The following ZNF451 variants were observed in gnomAD, a reference collection of about 807,000 sequenced individuals.
The protein encoded by ZNF451 is zinc finger protein 451.
Under a neutral mutation model 107.1 loss-of-function variants are expected in ZNF451, and 80 were observed. That is an observed-to-expected ratio of 0.75 (90% CI 0.62 to 0.90). The LOEUF (loss-of-function observed/expected upper bound fraction) is 0.90. ZNF451 is among the 40% of genes least tolerant of loss of function. The pLI, the probability that ZNF451 is intolerant of heterozygous loss-of-function variation, is 0.00. For synonymous variants in ZNF451, 362 were observed against 406.5 expected, an observed-to-expected ratio of 0.89 and a Z score of 1.32; for missense variants, 1,107 against 1,236.2, an observed-to-expected ratio of 0.90 and a Z score of 1.57.
chr6:57,127,920 A>G (rs1235689551), intron 4 of ZNF451, among the ~76,000 whole-genome samples: 1 of 152,186 alleles, frequency 6.6e-6, no homozygotes, highest in Non-Finnish European at 1.5e-5. Context: ...TGCCTGCTAT[A>G]AACAAAGATT....
chr6:57,095,648 A>G (rs1554296121), intron 2 of ZNF451, among the ~76,000 whole-genome samples: 1 of 151,292 alleles, frequency 6.6e-6, no homozygotes, highest in Non-Finnish European at 1.5e-5. Flanking sequence ...TTCTATCCAT[A>G]TTTTCCTTTT....
intron 12 of ZNF451, 94 bp from the exon 13 acceptor site, chr6:57,153,767 C>A: frequency 7.8e-7 from 1 of 1,281,294 alleles, no homozygotes; most frequent in Non-Finnish European, 1.1e-6. Flanking sequence ...GCTTAATATA[C>A]CTTCCTAGGC....
chr6:57,126,124 A>C (rs997054070), intron 4 of ZNF451, among the ~76,000 whole-genome samples: 4 of 152,172 alleles, frequency 2.6e-5, no homozygotes, highest in African/African-American at 9.6e-5. Flanking sequence ...TGTGACAACT[A>C]AGTTTTTTCT....
At chr6:57,096,176 G>GTTTTTTTTTTTTTTTTTTTTTT in intron 2 of ZNF451, among the ~76,000 whole-genome samples, 1 of 58,462 alleles carries the variant, frequency 1.7e-5, no homozygotes, top group Non-Finnish European at 3.0e-5. Context: ...CTTTCTTTCT[G>GTTTTTTTTTTTTTTTTTTTTTT]TTTTTTTTTT....
At position 57,114,394 on chromosome 6, in the gene ZNF451, AT is replaced by A. The variant is rs199818118; in HGVS notation, c.187-10339del. ...TTAGGAAAACCATATATGTAAAAAA[AT>A]ATATACAAATTTGTGTTTTAGCTAA... On this transcript the variant is annotated intron_variant, in intron 3 of 14. Coordinates refer to ENST00000370706, the MANE Select transcript of ZNF451 (RefSeq NM_001031623.3). Among the ~76,000 whole-genome samples, 1,435 of 152,332 alleles carry A rather than the reference AT, an allele frequency of 9.4e-3. 20 individuals are homozygous for A. The highest frequency in any genetic ancestry group is 0.031 in the African/African-American group (1,289 of 41,570).
At chr6:57,111,267 T>TG (rs1336648775) in intron 3 of ZNF451, among the ~76,000 whole-genome samples, 4 of 151,958 alleles carry the variant, frequency 2.6e-5, no homozygotes, top group Admixed American at 2.6e-4. Context: ...ATCCTTTTTT[T>TG]TTTTTTTCCT....
rs545840954 is a variant in ZNF451 at position 57,144,541 on chromosome 6, G to A, written c.1004+2446G>A. On this transcript the variant is annotated intron_variant, in intron 9 of 14. Transcript: ENST00000370706. The stretch of plus-strand genomic sequence containing the variant: ...CAGGCATGTGCCACCGCGCCTAGCC[G>A]TGAATTATATCTCAATAAAGCTGTT... Among the ~76,000 whole-genome samples the A allele has an allele frequency of 5.9e-5, 9 of 152,098 alleles. 1 individual carries two copies. Among genetic ancestry groups the A allele is most frequent in the East Asian group, 1.9e-4 (1 of 5,162 alleles).
chr6:57,119,971 G>T (rs912689762), intron 3 of ZNF451, among the ~76,000 whole-genome samples: 1 of 151,984 alleles, frequency 6.6e-6, no homozygotes, highest in Admixed American at 6.6e-5. Context: ...CACACTTGGT[G>T]TTATACATTC....
At chr6:57,100,647 A>G in intron 3 of ZNF451, 2 of 1,544,782 alleles carry the variant, frequency 1.3e-6, no homozygotes, top group Non-Finnish European at 1.7e-6. Context: ...ATCATCGCCC[A>G]GAAATGTGCT....
chr6:57,158,978 A>G (rs1763552571), intron 13 of ZNF451: 1 of 985,368 alleles, frequency 1.0e-6, no homozygotes, highest in African/African-American at 1.7e-5. Flanking sequence ...TGATTGAAGC[A>G]GCATCATGGC....
At chr6:57,150,949 G>A (rs1386267796) in intron 11 of ZNF451, 87 bp downstream of exon 11, 1 of 1,439,476 alleles carries the variant, frequency 6.9e-7, no homozygotes, top group Admixed American at 2.0e-5. Flanking sequence ...AAACCTTCCT[G>A]GATAGAACAT....
At chr6:57,163,139 A>C (rs989340987) in intron 14 of ZNF451, among the ~76,000 whole-genome samples, 4 of 152,086 alleles carry the variant, frequency 2.6e-5, no homozygotes, top group Non-Finnish European at 5.9e-5. Flanking sequence ...CATCACCCCA[A>C]AAGAGCTAAC....
At chr6:57,105,962 A>T in intron 3 of ZNF451, 1 of 984,914 alleles carries the variant, frequency 1.0e-6, no homozygotes, top group Non-Finnish European at 1.2e-6. Flanking sequence ...AGCCCTCAAA[A>T]TGACATTTTG....
chr6:57,112,908 A>G (rs1193715360), intron 3 of ZNF451, among the ~76,000 whole-genome samples: 1 of 152,196 alleles, frequency 6.6e-6, no homozygotes. Flanking sequence ...TCATTTCTTT[A>G]TCATTAAAAA....
At position 57,161,093 on chromosome 6, in the gene ZNF451, GTGA is replaced by G. The variant is rs766078349; in HGVS notation, c.3085_3087del (p.Asp1029del). The G allele has an allele frequency of 4.5e-6, 7 of 1,558,420 alleles. No individual in the cohort carries two copies. Among genetic ancestry groups the G allele is most frequent in the Middle Eastern group, 1.7e-4 (1 of 5,860 alleles). ...TGATTCTTCTTTACAGAATGTGACA[GTGA>G]TGATAACATGGGTGCCAAAAATACT... is the stretch of plus-strand genomic sequence containing the variant. On this transcript the variant is annotated inframe_deletion, in exon 14 of 15. Coordinates refer to ENST00000370706, the MANE Select transcript of ZNF451 (RefSeq NM_001031623.3).
intron 5 of ZNF451, among the ~76,000 whole-genome samples, chr6:57,130,026 C>T (rs1260687193): frequency 6.6e-6 from 1 of 152,070 alleles, no homozygotes; most frequent in Non-Finnish European, 1.5e-5. Flanking sequence ...TCGATTGATC[C>T]GTTTATATGT....
chr6:57,128,662 G>T, intron 4 of ZNF451, 67 bp from the exon 5 acceptor site: 4 of 1,047,610 alleles, frequency 3.8e-6, no homozygotes, highest in East Asian at 2.4e-5. Context: ...TCACTAATGT[G>T]TCAAAATCCT....
At chr6:57,098,809 C>T (rs762719681) in intron 2 of ZNF451, among the ~76,000 whole-genome samples, 3 of 152,080 alleles carry the variant, frequency 2.0e-5, no homozygotes, top group Non-Finnish European at 4.4e-5. Flanking sequence ...TTTCCTTTCC[C>T]AAGTAATTGA....
intron 2 of ZNF451, chr6:57,091,400 A>G (rs1249187350): frequency 7.4e-6 from 1 of 134,880 alleles, no homozygotes; most frequent in African/African-American, 2.8e-5. Context: ...CACTGGGAAC[A>G]TGCTCTATTT....
Sources: gnomAD v4.1 joint callset for allele counts (sites outside exome capture counted in the v4.1 genomes callset) on GRCh38, gnomAD v4.1.1 for gene constraint, MANE v1.5 for transcripts, NCBI Gene and HGNC (gene_info 2026-07-23, HGNC 2026-07-21) for gene names.